The following SKAP2 variants were observed in gnomAD, a reference collection of about 807,000 sequenced individuals.
SKAP2 encodes src kinase associated phosphoprotein 2, also known as src kinase-associated phosphoprotein 2.
In SKAP2, 28 loss-of-function variants were observed where a neutral mutation model predicts 54.9. The ratio of observed to expected loss-of-function variants is 0.51; its 90% CI spans 0.38 to 0.70. The LOEUF (loss-of-function observed/expected upper bound fraction) is 0.70, where lower values mean the gene tolerates loss of function less well. Among genes scored for constraint, SKAP2 ranks in the 30% least tolerant of loss-of-function variants. The pLI, the probability that SKAP2 is intolerant of heterozygous loss-of-function variation, is 0.00. For missense variants in SKAP2, 356 were observed against 424.1 expected, an observed-to-expected ratio of 0.84 and a Z score of 1.41; for synonymous variants, 137 against 134.3, an observed-to-expected ratio of 1.02 and a Z score of -0.14.
chr7:26,810,453 C>A (rs1784118534), intron 4 of SKAP2, among the ~76,000 whole-genome samples: 1 of 152,200 alleles, frequency 6.6e-6, no homozygotes, highest in South Asian at 2.1e-4. Flanking sequence ...TCCAAGGATA[C>A]AAAATTTCAG....
intron 4 of SKAP2, among the ~76,000 whole-genome samples, chr7:26,740,461 A>C (rs1268206490): frequency 6.6e-6 from 1 of 152,186 alleles, no homozygotes; most frequent in Non-Finnish European, 1.5e-5. Flanking sequence ...TATTCAGAGA[A>C]ATGTTATGGA....
intron 6 of SKAP2, among the ~76,000 whole-genome samples, chr7:26,728,601 T>C (rs1204924364): frequency 3.3e-5 from 5 of 152,152 alleles, no homozygotes; most frequent in South Asian, 4.1e-4. Context: ...ATTTGACAAA[T>C]TGATACCAAG....
chr7:26,693,129 C>T (rs1351023105), intron 9 of SKAP2, among the ~76,000 whole-genome samples: 2 of 151,916 alleles, frequency 1.3e-5, no homozygotes, highest in Non-Finnish European at 2.9e-5. Context: ...ATCAGGAGTT[C>T]GAGACAAGCC....
intron 1 of SKAP2, among the ~76,000 whole-genome samples, chr7:26,862,895 A>G (rs1487366625): frequency 2.0e-5 from 3 of 152,120 alleles, no homozygotes; most frequent in Non-Finnish European, 4.4e-5. Context: ...TGGAATAATG[A>G]TAAACATTTT....
At chr7:26,700,698 G>T (rs544713911) in intron 9 of SKAP2, among the ~76,000 whole-genome samples, 1 of 152,164 alleles carries the variant, frequency 6.6e-6, no homozygotes, top group African/African-American at 2.4e-5. Context: ...TTCATCCGGC[G>T]TATGTCCTAA....
rs10275818 is a variant in SKAP2, at chr7:26,740,152, A to T, written c.308-188T>A. Among the ~76,000 whole-genome samples, 1,287 of 10,582 alleles carry T rather than the reference A, an allele frequency of 0.12. 9 individuals carry two copies. The highest frequency in any genetic ancestry group is 0.34 in the East Asian group (92 of 274). The allele number at this position is 10,582 out of a possible 152,430, so 6.9% of individuals were successfully genotyped here. On this transcript the variant is annotated intron_variant, in intron 4 of 12. Transcript: ENST00000345317. The stretch of plus-strand genomic sequence containing the variant: ...TATTCCTCCTAAAAGTCTCAAAAGT[A>T]AAAAAAAAAAAAAAAAAAAAAAAGT...
intron 9 of SKAP2, among the ~76,000 whole-genome samples, chr7:26,713,399 G>A (rs1787352428): frequency 6.7e-6 from 1 of 150,212 alleles, no homozygotes; most frequent in African/African-American, 2.5e-5. Flanking sequence ...GACATGCAAT[G>A]GGCTTTCAAT....
At chr7:26,835,059 A>G (rs1367928485) in intron 4 of SKAP2, among the ~76,000 whole-genome samples, 1 of 152,158 alleles carries the variant, frequency 6.6e-6, no homozygotes, top group African/African-American at 2.4e-5. Flanking sequence ...ATCAATAAAC[A>G]TAATCCATCA....
Position 26,725,562 on chromosome 7 carries a change from A to G in SKAP2, c.662T>C (p.Met221Thr), listed in dbSNP as rs766788347. ...ATCCTCAGGAATAATATCAGATTCC[A>G]TATCTATAAAACACATTTCATGAAG... ...VQQLKFVLQD[M>T]ESDIIPEDYD... Residue 221 changes from methionine to threonine, a missense_variant, in exon 9 of 13, where the codon ATG becomes ACG. By Grantham distance (81) the Met-to-Thr change is moderately conservative. Coordinates refer to ENST00000345317, the MANE Select transcript of SKAP2 (RefSeq NM_003930.5). The G allele has an allele frequency of 6.3e-7, 1 of 1,592,926 alleles. No homozygotes were observed.
At chr7:26,691,725 C>T (rs1031823335) in intron 9 of SKAP2, among the ~76,000 whole-genome samples, 2 of 152,094 alleles carry the variant, frequency 1.3e-5, no homozygotes, top group Admixed American at 1.3e-4. Context: ...GGGAGTACCA[C>T]GGAGGCTCCA....
chr7:26,694,458 AGAT>A (rs1786854042), intron 9 of SKAP2, among the ~76,000 whole-genome samples: 1 of 139,246 alleles, frequency 7.2e-6, no homozygotes, highest in Non-Finnish European at 1.5e-5. Flanking sequence ...AATCATCAGG[AGAT>A]TTTTTTTTTT....
chr7:26,703,442 T>A (rs1214691386), intron 9 of SKAP2, among the ~76,000 whole-genome samples: 2 of 152,178 alleles, frequency 1.3e-5, no homozygotes, highest in Non-Finnish European at 2.9e-5. Flanking sequence ...AATACCAAAG[T>A]AAAATTAATT....
chr7:26,816,711 T>A (rs988062846), intron 4 of SKAP2, among the ~76,000 whole-genome samples: 4 of 152,084 alleles, frequency 2.6e-5, no homozygotes, highest in African/African-American at 9.7e-5. Flanking sequence ...ATCAATTAGA[T>A]TTCTCTAGCA....
chr7:26,799,282 G>A (rs1783856398), intron 4 of SKAP2, among the ~76,000 whole-genome samples: 1 of 148,096 alleles, frequency 6.8e-6, no homozygotes. Context: ...CTGAATGGAA[G>A]AAAAAAAAAA....
chr7:26,798,024 G>T (rs113172360), intron 4 of SKAP2, among the ~76,000 whole-genome samples: 1,598 of 151,592 alleles, frequency 0.011, 12 homozygotes, highest in Non-Finnish European at 0.017. Context: ...AAAGAAAAAA[G>T]AATAATAATA....
At chr7:26,725,197 T>A (rs1787673970) in intron 9 of SKAP2, among the ~76,000 whole-genome samples, 1 of 152,172 alleles carries the variant, frequency 6.6e-6, no homozygotes, top group Admixed American at 6.5e-5. Flanking sequence ...ATCTGCTTCA[T>A]TTTAATGTTT....
intron 9 of SKAP2, among the ~76,000 whole-genome samples, chr7:26,715,687 G>GA (rs1787416559): frequency 6.6e-6 from 1 of 152,104 alleles, no homozygotes; most frequent in South Asian, 2.1e-4. Flanking sequence ...GCTAAGGCAG[G>GA]AAAATCACTT....
At chr7:26,745,201 C>A (rs1782536152) in intron 4 of SKAP2, among the ~76,000 whole-genome samples, 1 of 152,220 alleles carries the variant, frequency 6.6e-6, no homozygotes, top group Non-Finnish European at 1.5e-5. Context: ...TTCCTTTTCC[C>A]TTATATTGGA....
intron 9 of SKAP2, among the ~76,000 whole-genome samples, chr7:26,716,094 T>C (rs1401729318): frequency 1.3e-5 from 2 of 152,218 alleles, no homozygotes; most frequent in African/African-American, 4.8e-5. Context: ...TTATTCTATG[T>C]GTACTGAATG....
Sources: gnomAD v4.1 joint callset for allele counts (sites outside exome capture counted in the v4.1 genomes callset) on GRCh38, gnomAD v4.1.1 for gene constraint, MANE v1.5 for transcripts, NCBI Gene and HGNC (gene_info 2026-07-23, HGNC 2026-07-21) for gene names.